The following ABCC6 variants were observed in gnomAD, a reference collection of about 807,000 sequenced individuals.
ABCC6 encodes the protein ATP-binding cassette sub-family C member 6.
In ABCC6, 126 loss-of-function variants were observed where a neutral mutation model predicts 169.5. The ratio of observed to expected loss-of-function variants is 0.74; its 90% CI spans 0.64 to 0.86. The LOEUF (loss-of-function observed/expected upper bound fraction) is 0.86, where lower values mean the gene tolerates loss of function less well. ABCC6 is among the 40% of genes least tolerant of loss of function. The pLI, the probability that ABCC6 is intolerant of heterozygous loss-of-function variation, is 0.00. For synonymous variants in ABCC6, 752 were observed against 814.7 expected (o/e 0.92, Z 1.31); for missense variants, 1,733 against 1,927.2 (o/e 0.90, Z 1.89).
chr16:16,199,326 A>AC (rs2048160843), intron 9 of ABCC6, among the ~76,000 whole-genome samples: 1 of 144,148 alleles, frequency 6.9e-6, no homozygotes, highest in South Asian at 2.2e-4. Flanking sequence ...ACATTTACTA[A>AC]CCCCATTCTA....
At chr16:16,176,315 C>T (rs1244035795) in intron 19 of ABCC6, among the ~76,000 whole-genome samples, 1 of 152,186 alleles carries the variant, frequency 6.6e-6, no homozygotes, top group Non-Finnish European at 1.5e-5. Context: ...GTCTGGAATG[C>T]TTTTTTCTGG....
chr16:16,156,433 A>G (rs1156376432), intron 27 of ABCC6, among the ~76,000 whole-genome samples: 1 of 152,180 alleles, frequency 6.6e-6, no homozygotes, highest in Non-Finnish European at 1.5e-5. Context: ...AAGCTCATGG[A>G]GCTCACAGCA....
chr16:16,187,696 G>GACCTGGGGA (rs1009603431), intron 13 of ABCC6, among the ~76,000 whole-genome samples: 1 of 152,092 alleles, frequency 6.6e-6, no homozygotes, highest in Non-Finnish European at 1.5e-5. Flanking sequence ...AGGAGTTGGA[G>GACCTGGGGA]ACCTGGGGAA....
intron 16 of ABCC6, 58 bp from the exon 17 acceptor site, chr16:16,182,646 T>G (rs1299179093): frequency 3.1e-6 from 5 of 1,598,528 alleles, no homozygotes; most frequent in African/African-American, 2.7e-5. Flanking sequence ...TGGGATAGGT[T>G]TTGAGGAGCA....
In ABCC6 at chr16:16,163,139, G is replaced by A; in HGVS notation, c.3360C>T (p.Tyr1120=). ...CQLRRLESAS[Y]SSVCSHMAET... Reference sequence around the variant, plus strand: ...CAGCCATGTGGGAGCAGACAGACGAGTAGCTGGCTGACTCCAAGCGTCTCA... The same window carrying A: ...CAGCCATGTGGGAGCAGACAGACGAATAGCTGGCTGACTCCAAGCGTCTCA... The change falls in exon 24 of 31, where the codon TAC becomes TAT. Residue 1120 remains tyrosine, a synonymous_variant. Transcript: ENST00000205557. 2 of 1,613,814 alleles carry A rather than the reference G, an allele frequency of 1.2e-6. No homozygotes were observed. Among genetic ancestry groups the A allele is most frequent in the Non-Finnish European group, 1.7e-6 (2 of 1,180,044 alleles).
At chr16:16,192,697 C>T (rs2047902742) in intron 11 of ABCC6, 133 bp downstream of exon 11, 2 of 801,010 alleles carry the variant, frequency 2.5e-6, no homozygotes, top group African/African-American at 1.7e-5. Context: ...GAGTGATGGG[C>T]AGCTCACAGA....
chr16:16,181,637 A>G (rs1004135988), intron 17 of ABCC6: 1 of 153,352 alleles, frequency 6.5e-6, no homozygotes, highest in Non-Finnish European at 1.5e-5. Context: ...GCTAATGGAT[A>G]CCAGAGCCAG....
chr16:16,153,197 G>A (rs1329659904), intron 29 of ABCC6, among the ~76,000 whole-genome samples: 23 of 152,096 alleles, frequency 1.5e-4, no homozygotes, highest in Admixed American at 7.2e-4. Context: ...GAGCCACCGC[G>A]CCCAGCCACT....
At chr16:16,215,248 CA>C (rs1425508959) in intron 4 of ABCC6, among the ~76,000 whole-genome samples, 1 of 152,084 alleles carries the variant, frequency 6.6e-6, no homozygotes, top group Non-Finnish European at 1.5e-5. Context: ...TCCTTTGACT[CA>C]GGGGGAAACC....
At chr16:16,201,519 T>A (rs2094880187) in intron 9 of ABCC6, among the ~76,000 whole-genome samples, 1 of 151,728 alleles carries the variant, frequency 6.6e-6, no homozygotes, top group Non-Finnish European at 1.5e-5. Flanking sequence ...AGAGTGAGCA[T>A]GGGAGGAGGT....
chr16:16,213,215 C>T (rs1337730483), intron 5 of ABCC6, among the ~76,000 whole-genome samples: 2 of 151,900 alleles, frequency 1.3e-5, no homozygotes, highest in Non-Finnish European at 2.9e-5. Flanking sequence ...CTCCACAGAG[C>T]TACTCTGTAG....
intron 14 of ABCC6, among the ~76,000 whole-genome samples, chr16:16,186,524 C>G (rs982831631): frequency 1.7e-4 from 26 of 151,560 alleles, no homozygotes; most frequent in African/African-American, 6.1e-4. Context: ...AAATCAGCAG[C>G]AGCAATAGAT....
intron 21 of ABCC6, among the ~76,000 whole-genome samples, chr16:16,171,245 G>A (rs2047056282): frequency 6.6e-6 from 1 of 151,794 alleles, no homozygotes; most frequent in Non-Finnish European, 1.5e-5. Context: ...AAGAGGCAGG[G>A]TCTCACTCTG....
chr16:16,157,454 TG>T (rs1323463421), intron 27 of ABCC6, among the ~76,000 whole-genome samples: 1 of 152,146 alleles, frequency 6.6e-6, no homozygotes. Context: ...CTTCCTCATC[TG>T]GGGACACCAA....
chr16:16,165,561 A>G, intron 23 of ABCC6, 62 bp downstream of exon 23: 1 of 1,570,788 alleles, frequency 6.4e-7, no homozygotes. Context: ...TCTTCCCCAG[A>G]GACAGGGGAC....
chr16:16,200,003 G>A (rs1285381747), intron 9 of ABCC6, among the ~76,000 whole-genome samples: 6 of 151,894 alleles, frequency 4.0e-5, no homozygotes, highest in Non-Finnish European at 7.4e-5. Flanking sequence ...AGGAGGCAGA[G>A]GTTGCAGTGA....
At position 16,208,836 on chromosome 16, in the gene ABCC6, C is replaced by T. The variant is rs1367780960; in HGVS notation, c.686G>A (p.Arg229Lys). ...VSGLVWRGYRRPLRPKDLWSL... is the reference protein window; with the variant it reads ...VSGLVWRGYRKPLRPKDLWSL... ...CCAGAGGTCTTTTGGTCTCAGTGGC[C>T]TCCTGTATCCCCTCCAGACCAGGCT... Residue 229 changes from arginine (R) to lysine (K), a missense_variant, in exon 7 of 31, where the codon AGG (arginine) becomes AAG (lysine). This residue lies in a region of ABCC6 where 49 missense variants were observed against 85.8 expected (regional missense o/e 0.57). Transcript: ENST00000205557. The T allele has an allele frequency of 6.2e-7, 1 of 1,613,442 alleles. No individual in the cohort carries two copies. Among genetic ancestry groups the T allele is most frequent in the Admixed American group, 1.7e-5 (1 of 59,938 alleles).
At chr16:16,210,477 C>G (rs1430115635) in intron 6 of ABCC6, among the ~76,000 whole-genome samples, 1 of 152,226 alleles carries the variant, frequency 6.6e-6, no homozygotes. Context: ...CTTGGGGAAG[C>G]AACCGTTCTG....
intron 9 of ABCC6, among the ~76,000 whole-genome samples, chr16:16,200,997 C>T (rs1351116776): frequency 6.6e-6 from 1 of 151,962 alleles, no homozygotes; most frequent in Non-Finnish European, 1.5e-5. Flanking sequence ...GACGAGGTCT[C>T]GCTCTCTTAC....
Sources: allele counts gnomAD v4.1 joint callset (sites outside exome capture counted in the v4.1 genomes callset), GRCh38; gene constraint gnomAD v4.1.1; regional missense constraint gnomAD v4.1.1; transcripts MANE v1.5; gene names NCBI Gene and HGNC (gene_info 2026-07-23, HGNC 2026-07-21).